CR1L: variants seen among roughly 807,000 people sequenced by gnomAD.
CR1L encodes complement C3b/C4b receptor 1 like, also known as complement component receptor 1-like protein.
Under a neutral mutation model 62.3 loss-of-function variants are expected in CR1L, and 59 were observed. That is an observed-to-expected ratio of 0.95 (90% CI 0.77 to 1.18). CR1L has a LOEUF of 1.18. Among genes scored for constraint, CR1L ranks in the 50% most tolerant of loss-of-function variants. CR1L has a pLI of 0.00. For missense variants in CR1L, 700 were observed against 702.8 expected (o/e 1.00, Z 0.04); for synonymous variants, 279 against 248.7 (o/e 1.12, Z -1.15).
chr1:207,712,214 G>T (rs1457291343), intron 10 of CR1L, among the ~76,000 whole-genome samples: 6 of 152,190 alleles, frequency 3.9e-5, no homozygotes, highest in Non-Finnish European at 1.5e-5. Context: ...AGAGAAATAT[G>T]GGGAAATCTG....
chr1:207,717,900 G>A (rs1654040481), intron 11 of CR1L, among the ~76,000 whole-genome samples: 1 of 152,164 alleles, frequency 6.6e-6, no homozygotes, highest in Non-Finnish European at 1.5e-5. Context: ...GGGGTGAGGA[G>A]GGTGGGATGG....
intron 10 of CR1L, among the ~76,000 whole-genome samples, chr1:207,716,841 A>G (rs1368410824): frequency 6.6e-6 from 1 of 152,240 alleles, no homozygotes. Context: ...TTAGGGAAGG[A>G]ACTGTTCTAA....
In CR1L at chr1:207,717,501, G is replaced by T; in HGVS notation, c.1452G>T (p.Gly484=). 6.2e-7 allele frequency: 1 copy of T among 1,613,618 alleles called. No individual in the cohort carries two copies. Among genetic ancestry groups the T allele is most frequent in the Non-Finnish European group, 8.5e-7 (1 of 1,179,636 alleles). ...FCPNPPAILN[G]RHTGTPLGDI... ...CAAATCCTCCAGCTATCCTTAATGG[G>T]AGACACACAGGAACTCCCCTTGGAG... The change falls in exon 11 of 12, where the codon GGG becomes GGT. Residue 484 remains glycine (G), a synonymous_variant. Transcript: ENST00000508064.
intron 3 of CR1L, among the ~76,000 whole-genome samples, 158 bp from the exon 4 acceptor site, chr1:207,683,714 C>T (rs1394461887): frequency 6.6e-6 from 1 of 152,082 alleles, no homozygotes; most frequent in Non-Finnish European, 1.5e-5. Flanking sequence ...ATGACAAAGT[C>T]CCAAGAATGT....
intron 1 of CR1L, among the ~76,000 whole-genome samples, chr1:207,658,108 C>T (rs898866335): frequency 2.0e-5 from 3 of 151,992 alleles, no homozygotes; most frequent in Non-Finnish European, 4.4e-5. Flanking sequence ...AATATCCAAA[C>T]ATGTAGGATA....
intron 1 of CR1L, among the ~76,000 whole-genome samples, chr1:207,664,152 G>T (rs1663472328): frequency 6.6e-6 from 1 of 152,184 alleles, no homozygotes. Context: ...TGATGGAAGG[G>T]ATTATTGTCC....
intron 1 of CR1L, among the ~76,000 whole-genome samples, chr1:207,648,732 A>C (rs1663175277): frequency 6.6e-6 from 1 of 152,214 alleles, no homozygotes; most frequent in African/African-American, 2.4e-5. Flanking sequence ...AGCCAAGACC[A>C]GTAAGTTCTT....
Position 207,699,274 on chromosome 1 carries a change from C to T in CR1L, c.1228C>T (p.Arg410Cys), listed in dbSNP as rs754555671. Residue 410 changes from arginine to cysteine, a missense_variant and splice_region_variant, in exon 8 of 12, where the codon CGT becomes TGT. By Grantham distance (180) the Arg-to-Cys change is radical (BLOSUM62 -3). Coordinates refer to ENST00000508064, the MANE Select transcript of CR1L (RefSeq NM_175710.2). ...LWNSSVPVCERKSCETPPVPV... is the reference protein window; with the variant it reads ...LWNSSVPVCECKSCETPPVPV... ...GAATAGCAGTGTTCCAGTGTGTGAA[C>T]GTAAGTAATAGGAGTAACATTTCAG... 66 of 1,613,534 alleles carry T rather than the reference C, an allele frequency of 4.1e-5. No homozygotes were observed. Among genetic ancestry groups the T allele is most frequent in the Middle Eastern group, 1.6e-4 (1 of 6,080 alleles).
At chr1:207,672,435 G>T (rs1663627606) in intron 1 of CR1L, among the ~76,000 whole-genome samples, 1 of 143,518 alleles carries the variant, frequency 7.0e-6, no homozygotes, top group Non-Finnish European at 1.5e-5. Flanking sequence ...CATAGTTGGA[G>T]ACTTCAGCAC....
intron 1 of CR1L, among the ~76,000 whole-genome samples, chr1:207,662,146 A>C (rs1002551744): frequency 6.6e-6 from 1 of 151,962 alleles, no homozygotes; most frequent in African/African-American, 2.4e-5. Context: ...CTTCTTGAGG[A>C]GTATCTTTGT....
intron 4 of CR1L, among the ~76,000 whole-genome samples, chr1:207,693,320 G>A (rs368450820): frequency 6.6e-6 from 1 of 152,148 alleles, no homozygotes. Flanking sequence ...GTTTCAACAT[G>A]TTGGCCAGGC....
chr1:207,648,952 C>T (rs116641735), intron 1 of CR1L, among the ~76,000 whole-genome samples: 4,076 of 150,756 alleles, frequency 0.027, 190 homozygotes, highest in African/African-American at 0.096. Flanking sequence ...CAGCAGTGGA[C>T]TTTGAGTACC....
At position 207,699,184 on chromosome 1, in the gene CR1L, T is replaced by C. The variant is rs574870537; in HGVS notation, c.1143-5T>C. On this transcript the variant is annotated splice_polypyrimidine_tract_variant and splice_region_variant and intron_variant, in intron 7 of 11. Transcript: ENST00000508064. ...CTCGCTATTCACTCCTATTTTCTTC[T>C]TTAGATTTCAATTAAAAGGCAGCTC... 74 of 1,613,620 alleles carry C rather than the reference T, an allele frequency of 4.6e-5. No homozygotes were observed. In the South Asian group the frequency reaches 7.5e-4, roughly 16 times the overall value.
intron 9 of CR1L, among the ~76,000 whole-genome samples, chr1:207,703,043 C>T (rs1456540527): frequency 6.6e-6 from 1 of 152,230 alleles, no homozygotes; most frequent in Non-Finnish European, 1.5e-5. Context: ...TGCCACTGCA[C>T]TCCAGGTTGG....
chr1:207,694,730 G>T lies in CR1L; in HGVS notation c.841G>T (p.Glu281Ter). 6.2e-7 allele frequency: 1 copy of T among 1,611,920 alleles called. No individual in the cohort carries two copies. The highest frequency in any genetic ancestry group is 8.5e-7 in the Non-Finnish European group (1 of 1,179,726). ...CCAGGCCCTGAACAAATGGGAGCCA[G>T]AGTTACCAAGCTGCTCCAGGGGTGA... is the stretch of plus-strand genomic sequence containing the variant. ...KCQALNKWEP[E>*]LPSCSRVCQP... The change falls in exon 5 of 12, where the codon GAG becomes TAG. Residue 281 changes from glutamate (E) to a stop codon, truncating the protein, a stop_gained. Coordinates refer to ENST00000508064, the MANE Select transcript of CR1L (RefSeq NM_175710.2). LOFTEE classifies it high-confidence loss of function.
At chr1:207,659,493 G>A (rs1663373554) in intron 1 of CR1L, among the ~76,000 whole-genome samples, 1 of 152,210 alleles carries the variant, frequency 6.6e-6, no homozygotes, top group Non-Finnish European at 1.5e-5. Flanking sequence ...AGTTTTGTAT[G>A]TTTTGAGCAA....
At position 207,645,348 on chromosome 1, in the gene CR1L, A is replaced by T. The variant is rs766591836; in HGVS notation, c.97+18A>T. 9.9e-6 allele frequency: 16 copies of T among 1,613,282 alleles called. 1 individual carries two copies. In the South Asian group the frequency reaches 1.8e-4, roughly 18 times the overall value. On this transcript the variant is annotated intron_variant, in intron 1 of 11. Coordinates refer to ENST00000508064, the MANE Select transcript of CR1L (RefSeq NM_175710.2). ...CTTCTCCGGTAGGACCCCGGGGTGG[A>T]TTCGCGCGTCCGCGGCGAGGCTAGA...
Position 207,668,929 on chromosome 1 carries a change from A to C in CR1L, c.98-8460A>C, listed in dbSNP as rs934504213. On this transcript the variant is annotated intron_variant, in intron 1 of 11. Coordinates refer to ENST00000508064, the MANE Select transcript of CR1L (RefSeq NM_175710.2). ...TCTAATTGTCCTTCCCTTTTTAAAA[A>C]TCTTACAATGGCATGACATCTCAAT... is the stretch of plus-strand genomic sequence containing the variant. 6.0e-5 allele frequency among the ~76,000 whole-genome samples: 9 copies of C among 150,990 alleles called. 1 individual carries two copies. The highest frequency in any genetic ancestry group is 2.2e-4 in the African/African-American group (9 of 40,336).
At chr1:207,701,859 A>T (rs937176420) in intron 9 of CR1L, 1 of 670,304 alleles carries the variant, frequency 1.5e-6, no homozygotes, top group African/African-American at 1.8e-5. Context: ...TGGGAAGGAA[A>T]AAAAATTAGG....
Sources: gnomAD v4.1 joint callset for allele counts (sites outside exome capture counted in the v4.1 genomes callset) on GRCh38, gnomAD v4.1.1 for gene constraint, MANE v1.5 for transcripts, NCBI Gene and HGNC (gene_info 2026-07-23, HGNC 2026-07-21) for gene names.